The following OXR1 variants were observed in gnomAD, a reference collection of about 807,000 sequenced individuals.
The protein encoded by OXR1 is oxidation resistance 1, also known as oxidation resistance protein 1.
A neutral mutation model predicts 104.6 loss-of-function variants in OXR1; 41 were observed. The observed-to-expected ratio is 0.39, with a 90% CI of 0.31 to 0.51. The LOEUF (loss-of-function observed/expected upper bound fraction) is 0.51. Among genes scored for constraint, OXR1 ranks in the 20% least tolerant of loss-of-function variants. The pLI, the probability that OXR1 is intolerant of heterozygous loss-of-function variation, is 0.77. For missense variants in OXR1, 955 were observed against 1,031.9 expected (o/e 0.93, Z 1.02); for synonymous variants, 348 against 348.4 (o/e 1.00, Z 0.01).
chr8:106,509,040 A>G (rs1812355130), intron 2 of OXR1, among the ~76,000 whole-genome samples: 1 of 152,222 alleles, frequency 6.6e-6, no homozygotes. Context: ...ATAAAAGCCT[A>G]AAGTCTTAAA....
intron 1 of OXR1, among the ~76,000 whole-genome samples, chr8:106,319,156 T>C (rs1814106414): frequency 6.6e-6 from 1 of 152,214 alleles, no homozygotes; most frequent in Non-Finnish European, 1.5e-5. Flanking sequence ...GATTGCTTCA[T>C]GGGTTCTTAT....
intron 2 of OXR1, among the ~76,000 whole-genome samples, chr8:106,466,506 T>G (rs1368214426): frequency 6.6e-6 from 1 of 151,934 alleles, no homozygotes; most frequent in Non-Finnish European, 1.5e-5. Flanking sequence ...TGGTTATCTT[T>G]GGATTTTTTT....
intron 2 of OXR1, among the ~76,000 whole-genome samples, chr8:106,482,388 T>C (rs1822181057): frequency 6.8e-6 from 1 of 146,048 alleles, no homozygotes; most frequent in South Asian, 2.2e-4. Flanking sequence ...GTGTGGGATA[T>C]TGGGAAGAAC....
intron 3 of OXR1, among the ~76,000 whole-genome samples, chr8:106,525,200 C>T (rs1586758649): frequency 6.6e-6 from 1 of 152,180 alleles, no homozygotes; most frequent in African/African-American, 2.4e-5. Context: ...AGTTGGAGGA[C>T]GAGCTTAACA....
chr8:106,739,172 A>G (rs1446285156), intron 12 of OXR1, among the ~76,000 whole-genome samples: 3 of 151,906 alleles, frequency 2.0e-5, no homozygotes, highest in Non-Finnish European at 2.9e-5. Context: ...TTAAAGATGC[A>G]TGCAACTATC....
intron 3 of OXR1, among the ~76,000 whole-genome samples, chr8:106,645,300 G>T (rs1586956586): frequency 6.6e-6 from 1 of 152,156 alleles, no homozygotes; most frequent in East Asian, 1.9e-4. Flanking sequence ...ACCAGTCCTT[G>T]TTCAATGCAT....
intron 3 of OXR1, among the ~76,000 whole-genome samples, chr8:106,558,101 A>G (rs1430985997): frequency 6.6e-6 from 1 of 152,106 alleles, no homozygotes; most frequent in East Asian, 1.9e-4. Flanking sequence ...CTTCCATTTC[A>G]CCATGTACAG....
At chr8:106,737,942 G>A (rs1465141675) in intron 12 of OXR1, among the ~76,000 whole-genome samples, 1 of 151,940 alleles carries the variant, frequency 6.6e-6, no homozygotes, top group Non-Finnish European at 1.5e-5. Context: ...TGAAAGATAT[G>A]GTACTATAGG....
chr8:106,274,601 C>CA (rs1554616298), intron 1 of OXR1, among the ~76,000 whole-genome samples: 1 of 38,852 alleles, frequency 2.6e-5, no homozygotes, highest in Non-Finnish European at 4.2e-5. Context: ...AGCAACGCCA[C>CA]CCCCCCCCCG....
intron 2 of OXR1, among the ~76,000 whole-genome samples, chr8:106,462,514 T>C (rs1820967282): frequency 6.6e-6 from 1 of 152,154 alleles, no homozygotes; most frequent in South Asian, 2.1e-4. Context: ...GGATAAGCTA[T>C]TTAAAAGTCA....
At chr8:106,427,566 T>G (rs1013054851) in intron 2 of OXR1, among the ~76,000 whole-genome samples, 1 of 152,200 alleles carries the variant, frequency 6.6e-6, no homozygotes, top group African/African-American at 2.4e-5. Flanking sequence ...TGCTTTAACT[T>G]GGCAGCTGCT....
At chr8:106,404,696 C>T (rs1438668356) in intron 2 of OXR1, among the ~76,000 whole-genome samples, 3 of 151,588 alleles carry the variant, frequency 2.0e-5, no homozygotes, top group Non-Finnish European at 2.9e-5. Context: ...TATATGCAGT[C>T]GCTCAGCTCC....
intron 1 of OXR1, among the ~76,000 whole-genome samples, chr8:106,326,579 A>AT (rs1172692077): frequency 1.3e-5 from 2 of 152,206 alleles, no homozygotes; most frequent in Non-Finnish European, 2.9e-5. Flanking sequence ...CCGCAGGGCA[A>AT]TTTTAAATAC....
At chr8:106,589,515 G>T (rs1818915892) in intron 3 of OXR1, among the ~76,000 whole-genome samples, 1 of 152,080 alleles carries the variant, frequency 6.6e-6, no homozygotes, top group African/African-American at 2.4e-5. Context: ...ACAAATGCTA[G>T]AGTGACTCAT....
intron 3 of OXR1, among the ~76,000 whole-genome samples, chr8:106,617,292 G>C (rs957404692): frequency 6.6e-6 from 1 of 152,128 alleles, no homozygotes; most frequent in East Asian, 1.9e-4. Context: ...GCATGATGGC[G>C]TGTGCCTGTA....
chr8:106,460,432 A>C (rs1361524076), intron 2 of OXR1, among the ~76,000 whole-genome samples: 1 of 152,170 alleles, frequency 6.6e-6, no homozygotes, highest in African/African-American at 2.4e-5. Context: ...GATTCTAATG[A>C]GACACAAAGA....
intron 3 of OXR1, among the ~76,000 whole-genome samples, chr8:106,594,650 A>C (rs1819373791): frequency 6.6e-6 from 1 of 152,236 alleles, no homozygotes; most frequent in Non-Finnish European, 1.5e-5. Flanking sequence ...GGCACCTAAA[A>C]AAATAAGAGG....
chr8:106,658,232 G>C (rs1027410602), intron 3 of OXR1: 1 of 1,230,846 alleles, frequency 8.1e-7, no homozygotes, highest in Non-Finnish European at 1.0e-6. Context: ...CCTGGGCTGA[G>C]GGCTGTGGGG....
At chr8:106,357,855 A>G (rs1816044265) in intron 1 of OXR1, among the ~76,000 whole-genome samples, 1 of 152,072 alleles carries the variant, frequency 6.6e-6, no homozygotes, top group Non-Finnish European at 1.5e-5. Context: ...AAAAACCACA[A>G]AACTTTGGGG....
Sources: gnomAD v4.1 joint callset for allele counts (sites outside exome capture counted in the v4.1 genomes callset) on GRCh38, gnomAD v4.1.1 for gene constraint, MANE v1.5 for transcripts, NCBI Gene and HGNC (gene_info 2026-07-23, HGNC 2026-07-21) for gene names.